Variants in COL26A1 observed in about 807,000 individuals in gnomAD.
The protein encoded by COL26A1 is collagen alpha-1(XXVI) chain.
In COL26A1, 41 loss-of-function variants were observed where a neutral mutation model predicts 59.3. The observed-to-expected ratio is 0.69, with a 90% CI of 0.54 to 0.90. COL26A1 has a LOEUF of 0.90. Ranked by LOEUF, COL26A1 falls within the 40% of genes least tolerant of loss-of-function variation. The pLI, the probability that COL26A1 is intolerant of heterozygous loss-of-function variation, is 0.00. For missense variants in COL26A1, 612 were observed against 602.3 expected (o/e 1.02, Z -0.17); for synonymous variants, 266 against 256.0 (o/e 1.04, Z -0.37).
Position 101,363,179 on chromosome 7 carries a change from C to CGCGAGCCGCCGGTGAGTA in COL26A1, c.150_158+9dup. The CGCGAGCCGCCGGTGAGTA allele has an allele frequency of 6.7e-7, 1 of 1,486,574 alleles. No homozygotes were observed. Among genetic ancestry groups the CGCGAGCCGCCGGTGAGTA allele is most frequent in the Non-Finnish European group, 8.9e-7 (1 of 1,125,572 alleles). The allele number at this position is 1,486,574 out of a possible 1,614,324, so 92.1% of individuals were successfully genotyped here. ...GCGCCGGCTCCCCTGGCAGCGGCTA[C>CGCGAGCCGCCGGTGAGTA]GCGAGCCGCCGGTGAGTAGCTCGGG... is the stretch of plus-strand genomic sequence containing the variant. On this transcript the variant is annotated stop_gained and inframe_insertion, in exon 1 of 13. Transcript: ENST00000313669. LOFTEE classifies it high-confidence loss of function.
At chr7:101,367,484 G>A (rs1791073889) in intron 1 of COL26A1, among the ~76,000 whole-genome samples, 1 of 151,998 alleles carries the variant, frequency 6.6e-6, no homozygotes, top group South Asian at 2.1e-4. Context: ...GGCCAACATG[G>A]TGAAAACCCG....
chr7:101,468,866 ACCAGACCTGGCAGTTC>A (rs993155434), intron 3 of COL26A1, among the ~76,000 whole-genome samples: 5 of 152,128 alleles, frequency 3.3e-5, no homozygotes, highest in African/African-American at 1.2e-4. Context: ...AGTGGCCTCC[ACCAGACCTGGCAGTTC>A]CCAGGCCTGG....
intron 1 of COL26A1, among the ~76,000 whole-genome samples, chr7:101,367,262 G>A (rs1791068320): frequency 6.6e-6 from 1 of 152,164 alleles, no homozygotes; most frequent in Non-Finnish European, 1.5e-5. Flanking sequence ...ATATGTTGAA[G>A]CCCTATCCTC....
chr7:101,493,704 G>A (rs1203861313), intron 3 of COL26A1, among the ~76,000 whole-genome samples: 3 of 147,194 alleles, frequency 2.0e-5, no homozygotes, highest in Admixed American at 7.0e-5. Context: ...GGAGGATCAC[G>A]AGGTCAGGAG....
chr7:101,476,430 A>G (rs1190305304), intron 3 of COL26A1, among the ~76,000 whole-genome samples: 1 of 152,236 alleles, frequency 6.6e-6, no homozygotes. Flanking sequence ...TCTATAAAAT[A>G]GAATAAGAGC....
intron 1 of COL26A1, among the ~76,000 whole-genome samples, chr7:101,372,767 G>A (rs879759678): frequency 7.9e-5 from 12 of 152,190 alleles, no homozygotes; most frequent in Non-Finnish European, 1.5e-4. Flanking sequence ...AGGCCAAGGT[G>A]GGAGGATTGC....
chr7:101,528,762 T>C (rs919709169), intron 3 of COL26A1, among the ~76,000 whole-genome samples: 6 of 151,952 alleles, frequency 3.9e-5, no homozygotes, highest in African/African-American at 1.2e-4. Context: ...TTCACCAGGC[T>C]GATCTCAAAC....
In COL26A1 at chr7:101,384,245, T is replaced by TTTTTC. The variant is rs1282648529; in HGVS notation, c.158+21059_158+21060insCTTTT. ...GTTCAGGCTGGTTTTTTTTTTTTTT[T>TTTTTC]TTTTTTTTTAAGACGGAGTCTCACT... is the stretch of plus-strand genomic sequence containing the variant. On this transcript the variant is annotated intron_variant, in intron 1 of 12. Coordinates refer to ENST00000313669, the MANE Select transcript of COL26A1 (RefSeq NM_001278563.3). Among the ~76,000 whole-genome samples, 223 of 150,494 alleles carry TTTTTC rather than the reference T, an allele frequency of 1.5e-3. 3 individuals are homozygous for TTTTTC. The highest frequency in any genetic ancestry group is 5.3e-3 in the African/African-American group (219 of 40,964).
In COL26A1 at chr7:101,405,894, G is replaced by T. The variant is rs1219773671; in HGVS notation, c.159-14083G>T. Among the ~76,000 whole-genome samples the T allele has an allele frequency of 4.6e-5, 7 of 152,230 alleles. No individual in the cohort carries two copies. In the East Asian group the frequency reaches 1.2e-3, roughly 25 times the overall value. ...GCAAGGAGCCGATGCTGCCTGTGGG[G>T]CTGGCTCTCAGGTGGGGTGGGCCCC... On this transcript the variant is annotated intron_variant, in intron 1 of 12. Coordinates refer to ENST00000313669, the MANE Select transcript of COL26A1 (RefSeq NM_001278563.3).
chr7:101,525,599 C>G (rs1795228439), intron 3 of COL26A1, among the ~76,000 whole-genome samples: 2 of 151,514 alleles, frequency 1.3e-5, no homozygotes, highest in South Asian at 4.2e-4. Context: ...CGGGTTCAAG[C>G]AATTCTCCTG....
intron 1 of COL26A1, among the ~76,000 whole-genome samples, chr7:101,372,500 C>T (rs1185605653): frequency 1.3e-5 from 2 of 152,126 alleles, no homozygotes; most frequent in East Asian, 1.9e-4. Context: ...TTCCTGACCA[C>T]ATACTTAGGG....
intron 3 of COL26A1, among the ~76,000 whole-genome samples, chr7:101,514,977 A>G (rs949366361): frequency 1.3e-5 from 2 of 152,182 alleles, no homozygotes; most frequent in African/African-American, 2.4e-5. Context: ...AGTTCTTTCA[A>G]TGGCTTTGCT....
At chr7:101,375,485 C>T (rs943426246) in intron 1 of COL26A1, among the ~76,000 whole-genome samples, 1 of 151,696 alleles carries the variant, frequency 6.6e-6, no homozygotes, top group African/African-American at 2.4e-5. Context: ...CACTTGAGAC[C>T]AGGAGTTCGA....
chr7:101,543,667 TGA>T (rs1795665598), intron 5 of COL26A1, among the ~76,000 whole-genome samples: 1 of 151,996 alleles, frequency 6.6e-6, no homozygotes, highest in South Asian at 2.1e-4. Context: ...CAGCAGGGTG[TGA>T]GAGAGGGACC....
intron 3 of COL26A1, among the ~76,000 whole-genome samples, chr7:101,483,199 C>CTT (rs369605902): frequency 2.1e-4 from 31 of 145,532 alleles, no homozygotes; most frequent in African/African-American, 2.3e-4. Flanking sequence ...AAGAAATTAG[C>CTT]TTTTTTTTTT....
intron 3 of COL26A1, among the ~76,000 whole-genome samples, chr7:101,508,524 A>G: frequency 6.6e-6 from 1 of 151,874 alleles, no homozygotes; most frequent in East Asian, 1.9e-4. Flanking sequence ...TGTCAAAAAA[A>G]AAAAAAAGAT....
At chr7:101,366,474 ATTTTTTTTTTT>A (rs869149636) in intron 1 of COL26A1, among the ~76,000 whole-genome samples, 11 of 76,274 alleles carry the variant, frequency 1.4e-4, no homozygotes, top group Admixed American at 4.3e-4. Context: ...TTAACGTCTG[ATTTTTTTTTTT>A]TTTTTTTTTT....
chr7:101,436,985 A>T (rs2130342683), intron 2 of COL26A1, among the ~76,000 whole-genome samples: 1 of 152,244 alleles, frequency 6.6e-6, no homozygotes, highest in East Asian at 1.9e-4. Flanking sequence ...AAGTGCTGGG[A>T]TTACAGGCTT....
At chr7:101,461,811 T>C (rs976290649) in intron 3 of COL26A1, among the ~76,000 whole-genome samples, 1 of 152,086 alleles carries the variant, frequency 6.6e-6, no homozygotes, top group African/African-American at 2.4e-5. Flanking sequence ...CTGAGGCATA[T>C]AAGTTCAAGG....
Sources: gnomAD v4.1 joint callset for allele counts (sites outside exome capture counted in the v4.1 genomes callset) on GRCh38, gnomAD v4.1.1 for gene constraint, MANE v1.5 for transcripts, NCBI Gene and HGNC (gene_info 2026-07-23, HGNC 2026-07-21) for gene names.